Variants in SNX29 observed in about 807,000 individuals in gnomAD.
SNX29 encodes the protein sorting nexin 29.
SNX29 carries 78 observed loss-of-function variants against 102.1 expected under a neutral mutation model. That is an observed-to-expected ratio of 0.76 (90% CI 0.64 to 0.92). SNX29 has a LOEUF of 0.92. SNX29 is among the 40% of genes least tolerant of loss of function. The pLI, the probability that SNX29 is intolerant of heterozygous loss-of-function variation, is 0.00. For missense variants in SNX29, 1,280 were observed against 1,061.7 expected (o/e 1.21, Z -2.86); for synonymous variants, 580 against 414.5 (o/e 1.40, Z -4.85).
At chr16:12,361,226 C>T (rs2082290856) in intron 16 of SNX29, among the ~76,000 whole-genome samples, 1 of 152,232 alleles carries the variant, frequency 6.6e-6, no homozygotes, top group Non-Finnish European at 1.5e-5. Context: ...CCCTGCCCAA[C>T]ACCAGGGGTC....
intron 1 of SNX29, among the ~76,000 whole-genome samples, chr16:11,997,055 C>G (rs2056100218): frequency 6.6e-6 from 1 of 152,190 alleles, no homozygotes; most frequent in Admixed American, 6.5e-5. Flanking sequence ...GGTCTTGAGT[C>G]AGGATCACTG....
At chr16:12,172,170 G>T (rs1475065523) in intron 13 of SNX29, among the ~76,000 whole-genome samples, 1 of 152,160 alleles carries the variant, frequency 6.6e-6, no homozygotes, top group African/African-American at 2.4e-5. Flanking sequence ...GGTACCTGGT[G>T]GCTCTCATTG....
intron 20 of SNX29, among the ~76,000 whole-genome samples, chr16:12,556,950 T>TCAAG (rs10656993): frequency 0.93 from 138,365 of 149,002 alleles, 64,909 homozygotes; most frequent in Middle Eastern, 0.99. Flanking sequence ...CCGCTCAGGC[T>TCAAG]CAGTCTTCCC....
intron 14 of SNX29, among the ~76,000 whole-genome samples, chr16:12,239,017 T>A (rs538659360): frequency 3.7e-4 from 57 of 152,318 alleles, no homozygotes; most frequent in Non-Finnish European, 7.4e-4. Context: ...TTTAAGGAGC[T>A]TTCTCAGGAG....
intron 11 of SNX29, among the ~76,000 whole-genome samples, chr16:12,079,191 A>G (rs950606593): frequency 1.5e-4 from 23 of 152,240 alleles, no homozygotes; most frequent in African/African-American, 4.6e-4. Context: ...TGCCTCCCAT[A>G]ATGCAGTTAG....
At position 12,415,358 on chromosome 16, in the gene SNX29, C is replaced by T. The variant is rs75878304; in HGVS notation, c.2037+11829C>T. On this transcript the variant is annotated intron_variant, in intron 18 of 20. Transcript: ENST00000566228. ...TTGCCTTGGAGTCTTGATCAAGATG[C>T]ACTCAGCAGCTCCTTCTGGCACCAT... Among the ~76,000 whole-genome samples, 234 of 152,376 alleles carry T rather than the reference C, an allele frequency of 1.5e-3. 9 individuals carry two copies. In the East Asian group the frequency reaches 0.04, roughly 26 times the overall value.
intron 4 of SNX29, among the ~76,000 whole-genome samples, chr16:12,039,245 T>A (rs1280577660): frequency 2.0e-5 from 3 of 152,256 alleles, no homozygotes; most frequent in Non-Finnish European, 4.4e-5. Flanking sequence ...CTGGGCACTG[T>A]GCTCGGTGCT....
At chr16:12,337,119 T>G (rs1299911051) in intron 15 of SNX29, among the ~76,000 whole-genome samples, 1 of 152,160 alleles carries the variant, frequency 6.6e-6, no homozygotes, top group Non-Finnish European at 1.5e-5. Flanking sequence ...GGAACTGAGT[T>G]TGCATAAAGC....
In SNX29 at chr16:12,455,292, G is replaced by C. The variant is rs150016918; in HGVS notation, c.2038-22427G>C. 1.4e-3 allele frequency among the ~76,000 whole-genome samples: 216 copies of C among 152,272 alleles called. 2 individuals are homozygous for C. Among genetic ancestry groups the C allele is most frequent in the Middle Eastern group, 6.8e-3 (2 of 294 alleles). ...GTTTCTAAAGCCCCCACACCTCGTG[G>C]CCCTTTTGGCTGGGACTTCCAGACC... On this transcript the variant is annotated intron_variant, in intron 18 of 20. Coordinates refer to ENST00000566228, the MANE Select transcript of SNX29 (RefSeq NM_032167.5).
chr16:12,411,936 A>T (rs919390621), intron 18 of SNX29, among the ~76,000 whole-genome samples: 2 of 152,210 alleles, frequency 1.3e-5, no homozygotes, highest in African/African-American at 4.8e-5. Flanking sequence ...CCCCTTGTTG[A>T]ATCAAATGTC....
chr16:12,283,984 C>G (rs532272986), intron 15 of SNX29, among the ~76,000 whole-genome samples: 1 of 152,198 alleles, frequency 6.6e-6, no homozygotes, highest in African/African-American at 2.4e-5. Flanking sequence ...AGAACAGAAA[C>G]AACCAAGGTT....
Position 12,540,228 on chromosome 16 carries a change from T to C in SNX29, c.2318+15387T>C, listed in dbSNP as rs187973532. 1.9e-3 allele frequency among the ~76,000 whole-genome samples: 288 copies of C among 152,272 alleles called. 1 individual carries two copies. The highest frequency in any genetic ancestry group is 1.7e-3 in the Non-Finnish European group (117 of 68,030). ...TGGGTCAAGGTTAACCTACTTCCTG[T>C]GGCTGACCCGCTCCCCCCACCCCCA... On this transcript the variant is annotated intron_variant, in intron 20 of 20. Transcript: ENST00000566228.
intron 3 of SNX29, among the ~76,000 whole-genome samples, chr16:12,016,074 A>C (rs2056839045): frequency 6.6e-6 from 1 of 151,740 alleles, no homozygotes. Flanking sequence ...CATGTTGGCC[A>C]GGCTGGTCTC....
intron 18 of SNX29, among the ~76,000 whole-genome samples, chr16:12,414,280 A>G (rs2084533269): frequency 6.6e-6 from 1 of 152,198 alleles, no homozygotes; most frequent in Non-Finnish European, 1.5e-5. Context: ...AGACTGAGGT[A>G]AGAGAATTGC....
intron 13 of SNX29, among the ~76,000 whole-genome samples, chr16:12,179,180 C>A (rs555114255): frequency 6.6e-6 from 1 of 152,240 alleles, no homozygotes; most frequent in East Asian, 1.9e-4. Context: ...TTGCCAAGAA[C>A]ATATAAAAAT....
chr16:12,242,748 G>A (rs1288171081), intron 14 of SNX29, among the ~76,000 whole-genome samples: 1 of 151,494 alleles, frequency 6.6e-6, no homozygotes, highest in Non-Finnish European at 1.5e-5. Flanking sequence ...CAACCTACCA[G>A]GCTCCAGCAA....
chr16:12,571,793 G>A lies in SNX29; in HGVS notation c.*3164G>A. Reference sequence around the variant, plus strand: ...CAGAACCTTCTCCGCCACTCTTCCTGCAATCAGTGTGAAATTCCAGCTTCT... The same window carrying A: ...CAGAACCTTCTCCGCCACTCTTCCTACAATCAGTGTGAAATTCCAGCTTCT... On this transcript the variant is annotated 3_prime_UTR_variant, in exon 21 of 21. Transcript: ENST00000566228. 2.0e-6 allele frequency: 2 copies of A among 1,014,618 alleles called. No individual in the cohort carries two copies. The highest frequency in any genetic ancestry group is 2.4e-6 in the Non-Finnish European group (2 of 834,390). The allele number at this position is 1,014,618 out of a possible 1,614,324, so 62.9% of individuals were successfully genotyped here.
In SNX29 at chr16:12,574,198, A is replaced by C. The variant is rs745539927; in HGVS notation, c.*5569A>C. The C allele has an allele frequency of 2.8e-5, 5 of 178,378 alleles. No individual in the cohort carries two copies. The highest frequency in any genetic ancestry group is 6.0e-5 in the Non-Finnish European group (5 of 83,098). The allele number at this position is 178,378 out of a possible 1,614,324, so 11.0% of individuals were successfully genotyped here. The stretch of plus-strand genomic sequence containing the variant: ...TTGTATTAAAATTTTCTTTTGGAAT[A>C]AGCTGTGGAAATTTTGTTACAACCT... On this transcript the variant is annotated 3_prime_UTR_variant, in exon 21 of 21. Coordinates refer to ENST00000566228, the MANE Select transcript of SNX29 (RefSeq NM_032167.5).
chr16:12,514,590 C>G (rs1176529044), intron 19 of SNX29, among the ~76,000 whole-genome samples: 1 of 152,022 alleles, frequency 6.6e-6, no homozygotes, highest in Non-Finnish European at 1.5e-5. Context: ...CTTGGCCAGA[C>G]ATGGTGGCTC....
Sources: allele counts gnomAD v4.1 joint callset (sites outside exome capture counted in the v4.1 genomes callset), GRCh38; gene constraint gnomAD v4.1.1; transcripts MANE v1.5; gene names NCBI Gene and HGNC (gene_info 2026-07-23, HGNC 2026-07-21).